CELSR1: variants seen among roughly 807,000 people sequenced by gnomAD.
The protein encoded by CELSR1 is adhesion G protein-coupled receptor C1.
Under a neutral mutation model 249.1 loss-of-function variants are expected in CELSR1, and 110 were observed. The ratio of observed to expected loss-of-function variants is 0.44; its 90% CI spans 0.38 to 0.52. CELSR1 has a LOEUF of 0.52. Ranked by LOEUF, CELSR1 falls within the 20% of genes least tolerant of loss-of-function variation. The pLI is 0.00. For synonymous variants in CELSR1, 2,113 were observed against 1,900.0 expected (o/e 1.11, Z -2.92); for missense variants, 4,109 against 4,296.4 (o/e 0.96, Z 1.22).
At chr22:46,369,285 T>TCAGGTCGCCGA (rs1555904416) in intron 26 of CELSR1, 27 bp from the exon 27 acceptor site, 22 of 1,435,440 alleles carry the variant, frequency 1.5e-5, no homozygotes, top group African/African-American at 6.1e-5. Context: ...CCGATCAATG[T>TCAGGTCGCCGA]CTTCTCTCTC....
At position 46,401,076 on chromosome 22, in the gene CELSR1, C is replaced by T. The variant is rs574770827; in HGVS notation, c.5227-1174G>A. Among the ~76,000 whole-genome samples, 47 of 152,164 alleles carry T rather than the reference C, an allele frequency of 3.1e-4. No individual in the cohort carries two copies. In the South Asian group the frequency reaches 3.5e-3, roughly 11 times the overall value. ...CTTCATGGAGGTCAAGTAAGGGAAG[C>T]GCCAAGAACAAGCCCCATTAGGCTT... On this transcript the variant is annotated intron_variant, in intron 9 of 34. Coordinates refer to ENST00000674500, the MANE Select transcript of CELSR1 (RefSeq NM_001378328.1). This position sits in a 1 kb window ranked among gnomAD's most constrained non-coding sequence, Gnocchi z 4.7.
At chr22:46,476,194 C>T (rs954130906) in intron 1 of CELSR1, among the ~76,000 whole-genome samples, 4 of 152,152 alleles carry the variant, frequency 2.6e-5, no homozygotes, top group African/African-American at 9.7e-5. Context: ...CAAATGCTCA[C>T]CACAGCATTA....
chr22:46,528,104 A>G (rs2147808629), intron 1 of CELSR1, among the ~76,000 whole-genome samples: 1 of 151,712 alleles, frequency 6.6e-6, no homozygotes, highest in East Asian at 1.9e-4. Flanking sequence ...CTGTCTCAAA[A>G]AAAAAAAAAA....
chr22:46,453,342 C>T (rs770035097), intron 2 of CELSR1, among the ~76,000 whole-genome samples: 4 of 152,304 alleles, frequency 2.6e-5, no homozygotes, highest in Admixed American at 1.3e-4. Flanking sequence ...AGCACCCCAA[C>T]GGTTCAAATT....
chr22:46,386,858 A>G (rs1482404078), intron 18 of CELSR1, among the ~76,000 whole-genome samples: 1 of 152,074 alleles, frequency 6.6e-6, no homozygotes, highest in Non-Finnish European at 1.5e-5. Flanking sequence ...GGTTCAAGGA[A>G]TTCTCTTGCT....
chr22:46,524,646 G>C (rs2080721348), intron 1 of CELSR1, among the ~76,000 whole-genome samples: 1 of 152,032 alleles, frequency 6.6e-6, no homozygotes, highest in Non-Finnish European at 1.5e-5. Flanking sequence ...AGGCGCTAGA[G>C]GGATGACCCC....
At chr22:46,394,350 T>C in intron 13 of CELSR1, 88 bp from the exon 14 acceptor site, 2 of 1,477,694 alleles carry the variant, frequency 1.4e-6, no homozygotes, top group Non-Finnish European at 1.8e-6. Flanking sequence ...ATGGAGATGG[T>C]TGCCCAGGAG....
intron 9 of CELSR1, among the ~76,000 whole-genome samples, chr22:46,405,459 CAAAAA>C (rs869105580): frequency 0.044 from 3,727 of 84,866 alleles, 150 homozygotes; most frequent in African/African-American, 0.11. Context: ...GACTCCGTCT[CAAAAA>C]AAAAAAAAAA....
At position 46,362,918 on chromosome 22, in the gene CELSR1, G is replaced by T; in HGVS notation, c.*305C>A. ...GGGGTCCCCTCTCAGTTCTGGCTTT[G>T]ACTGCAGTCTTAGGACTCAGCGGTG... On this transcript the variant is annotated 3_prime_UTR_variant, in exon 35 of 35. Transcript: ENST00000674500. 1 of 512,862 alleles carries T rather than the reference G, an allele frequency of 1.9e-6. No individual in the cohort carries two copies. Among genetic ancestry groups the T allele is most frequent in the African/African-American group, 1.9e-5 (1 of 52,348 alleles). The allele number at this position is 512,862 out of a possible 1,614,324, so 31.8% of individuals were successfully genotyped here. A position where few individuals can be genotyped will look rare whatever the true frequency, so the allele number is the denominator to read the frequency against.
intron 2 of CELSR1, among the ~76,000 whole-genome samples, chr22:46,461,744 T>C (rs562837137): frequency 6.6e-6 from 1 of 152,330 alleles, no homozygotes; most frequent in Admixed American, 6.5e-5. Flanking sequence ...CCTTGCCAAC[T>C]CTTGGGAGCG....
chr22:46,493,726 G>A (rs2080389188), intron 1 of CELSR1, among the ~76,000 whole-genome samples: 1 of 152,078 alleles, frequency 6.6e-6, no homozygotes. Flanking sequence ...AGTGAACAAG[G>A]TCTCATGAGA....
At chr22:46,529,135 G>A (rs531440826) in intron 1 of CELSR1, among the ~76,000 whole-genome samples, 6 of 151,202 alleles carry the variant, frequency 4.0e-5, no homozygotes, top group African/African-American at 9.7e-5. Flanking sequence ...GTGTGGTGGC[G>A]GGTACCTGTA....
At position 46,533,430 on chromosome 22, in the gene CELSR1, C is replaced by T. The variant is rs562233840; in HGVS notation, c.3544+197G>A. ...CCCAGGAAAATGCTGACGGAAGCGG[C>T]GCGGTGCCTCTCCCCCTCGCTGGGC... On this transcript the variant is annotated intron_variant, in intron 1 of 34. Transcript: ENST00000674500. 1.6e-4 allele frequency among the ~76,000 whole-genome samples: 24 copies of T among 152,378 alleles called. No individual in the cohort carries two copies. In the South Asian group the frequency reaches 4.6e-3, roughly 29 times the overall value.
chr22:46,487,526 CCCCACGGGGGAGGGGAG>C (rs2080324370), intron 1 of CELSR1, among the ~76,000 whole-genome samples: 1 of 97,630 alleles, frequency 1.0e-5, no homozygotes, highest in Admixed American at 1.2e-4. Flanking sequence ...GCATGGTGAG[CCCCACGGGGGAGGGGAG>C]TCCACGGTGC....
intron 1 of CELSR1, among the ~76,000 whole-genome samples, chr22:46,508,437 C>T (rs1423095405): frequency 7.2e-6 from 1 of 139,532 alleles, no homozygotes; most frequent in Non-Finnish European, 1.5e-5. Context: ...TGTGGCCCCC[C>T]CACCCCCGCC....
In CELSR1 at chr22:46,415,252, C is replaced by T. The variant is rs544062592; in HGVS notation, c.4612-3493G>A. ...GCAACCTCCGCCTCCCAGGTTCAAGCGATTCTCCTGCCTCAGCCTCCCAAG... is the reference window on the plus strand; with the variant it reads ...GCAACCTCCGCCTCCCAGGTTCAAGTGATTCTCCTGCCTCAGCCTCCCAAG... On this transcript the variant is annotated intron_variant, in intron 5 of 34. Coordinates refer to ENST00000674500, the MANE Select transcript of CELSR1 (RefSeq NM_001378328.1). 7.9e-5 allele frequency among the ~76,000 whole-genome samples: 12 copies of T among 152,236 alleles called. No individual in the cohort carries two copies. The East Asian group carries it at 1.9e-3, about 25-fold the overall frequency.
At chr22:46,424,598 G>C (rs2079516640) in intron 5 of CELSR1, among the ~76,000 whole-genome samples, 1 of 152,126 alleles carries the variant, frequency 6.6e-6, no homozygotes, top group Admixed American at 6.5e-5. Context: ...TCCTATCACA[G>C]CCACACCCAC....
At position 46,439,247 on chromosome 22, in the gene CELSR1, G is replaced by C; in HGVS notation, c.4348C>G (p.Gln1450Glu). The change falls in exon 3 of 35, where the codon CAG becomes GAG. Residue 1450 changes from glutamine to glutamate, a missense_variant. Gln to Glu is a conservative substitution (Grantham distance 29). Around this residue, in one of 7 missense-constraint regions of CELSR1, gnomAD observed 453 missense variants for 492.0 expected, o/e 0.92. Transcript: ENST00000674500. ...AGGCCCCGGAAGGTGACGAAGGACT[G>C]GGGCGGGAAGCTCCTGGTGGTCACC... Reference protein sequence around the residue: ...CEVTTRSFPPQSFVTFRGLRQ... With the variant: ...CEVTTRSFPPESFVTFRGLRQ... 1 of 1,614,136 alleles carries C rather than the reference G, an allele frequency of 6.2e-7. No individual in the cohort carries two copies. The highest frequency in any genetic ancestry group is 1.1e-5 in the South Asian group (1 of 91,078).
intron 1 of CELSR1, among the ~76,000 whole-genome samples, chr22:46,514,389 A>G (rs929971639): frequency 1.3e-5 from 2 of 152,156 alleles, no homozygotes; most frequent in African/African-American, 4.8e-5. Flanking sequence ...CAGACGTTTC[A>G]CCAGGCCCCG....
Sources: allele counts gnomAD v4.1 joint callset (sites outside exome capture counted in the v4.1 genomes callset), GRCh38; gene constraint gnomAD v4.1.1; regional missense constraint gnomAD v4.1.1; non-coding constraint Gnocchi (gnomAD v3.1); transcripts MANE v1.5; gene names NCBI Gene and HGNC (gene_info 2026-07-23, HGNC 2026-07-21).